CNTN5: variants seen among roughly 807,000 people sequenced by gnomAD.
CNTN5 encodes contactin 5.
CNTN5 carries 77 observed loss-of-function variants against 129.1 expected under a neutral mutation model. The ratio of observed to expected loss-of-function variants is 0.60; its 90% CI spans 0.50 to 0.72. The LOEUF is 0.72. CNTN5 is among the 30% of genes least tolerant of loss of function. CNTN5 has a pLI of 0.00. For synonymous variants in CNTN5, 509 were observed against 465.6 expected (o/e 1.09, Z -1.20); for missense variants, 1,478 against 1,328.8 (o/e 1.11, Z -1.75).
chr11:100,087,559 G>T (rs1427752596), intron 13 of CNTN5, among the ~76,000 whole-genome samples: 2 of 151,680 alleles, frequency 1.3e-5, no homozygotes, highest in East Asian at 1.9e-4. Context: ...AATGATAAAG[G>T]GTTCAATTCA....
intron 13 of CNTN5, among the ~76,000 whole-genome samples, chr11:100,108,317 G>A (rs1945526114): frequency 6.6e-6 from 1 of 152,036 alleles, no homozygotes; most frequent in Admixed American, 6.6e-5. Flanking sequence ...AAACATCATT[G>A]GACCAACATG....
chr11:99,313,092 C>G (rs927790876), intron 1 of CNTN5, among the ~76,000 whole-genome samples: 2 of 151,148 alleles, frequency 1.3e-5, no homozygotes, highest in African/African-American at 4.9e-5. Context: ...TGACATCTCA[C>G]GCAATCCAAG....
chr11:99,777,595 TA>T (rs755902250), intron 3 of CNTN5, among the ~76,000 whole-genome samples: 5 of 151,666 alleles, frequency 3.3e-5, no homozygotes, highest in Non-Finnish European at 4.4e-5. Context: ...ATTCTCAAGA[TA>T]AAAAAAATTG....
intron 7 of CNTN5, among the ~76,000 whole-genome samples, chr11:99,945,430 A>G (rs1950532268): frequency 1.3e-5 from 2 of 151,668 alleles, no homozygotes; most frequent in East Asian, 1.9e-4. Flanking sequence ...TTTTTTTAGA[A>G]TGACTGCTAG....
chr11:99,795,945 G>C (rs1260624635), intron 3 of CNTN5, among the ~76,000 whole-genome samples: 1 of 152,188 alleles, frequency 6.6e-6, no homozygotes, highest in Non-Finnish European at 1.5e-5. Flanking sequence ...AGTGGGATCT[G>C]TCCTCATTCC....
intron 20 of CNTN5, among the ~76,000 whole-genome samples, chr11:100,306,599 A>C (rs1275500018): frequency 6.6e-6 from 1 of 151,692 alleles, no homozygotes; most frequent in Non-Finnish European, 1.5e-5. Context: ...CTGTATCCTA[A>C]ATCCCAGAGA....
At chr11:100,154,687 G>C (rs1326679322) in intron 13 of CNTN5, among the ~76,000 whole-genome samples, 1 of 152,020 alleles carries the variant, frequency 6.6e-6, no homozygotes, top group African/African-American at 2.4e-5. Flanking sequence ...AGTATCTGTT[G>C]TTTCCTGACT....
intron 3 of CNTN5, among the ~76,000 whole-genome samples, chr11:99,740,936 A>G (rs564073579): frequency 2.0e-5 from 3 of 152,098 alleles, no homozygotes; most frequent in Non-Finnish European, 4.4e-5. Context: ...CTCAGCTTAA[A>G]TGCTCTTTAT....
chr11:99,332,236 A>G (rs552762391), intron 2 of CNTN5, among the ~76,000 whole-genome samples: 7 of 152,194 alleles, frequency 4.6e-5, no homozygotes, highest in African/African-American at 1.4e-4. Flanking sequence ...GGCATGCCCT[A>G]TGCTCCAAAT....
intron 3 of CNTN5, among the ~76,000 whole-genome samples, chr11:99,693,392 T>C (rs1407795971): frequency 6.6e-6 from 1 of 152,062 alleles, no homozygotes; most frequent in Non-Finnish European, 1.5e-5. Flanking sequence ...AAATGTGAAA[T>C]TATGATACAT....
intron 2 of CNTN5, among the ~76,000 whole-genome samples, chr11:99,470,426 G>A (rs1464346187): frequency 6.6e-6 from 1 of 151,954 alleles, no homozygotes; most frequent in African/African-American, 2.4e-5. Context: ...AATAATTCTA[G>A]TAATTCATCC....
At chr11:99,084,512 C>G (rs1865921378) in intron 1 of CNTN5, among the ~76,000 whole-genome samples, 1 of 152,182 alleles carries the variant, frequency 6.6e-6, no homozygotes, top group African/African-American at 2.4e-5. Flanking sequence ...GTCCAGTGTA[C>G]TGTTAAATAC....
intron 13 of CNTN5, among the ~76,000 whole-genome samples, chr11:100,189,974 G>GT (rs1948427952): frequency 6.6e-6 from 1 of 151,940 alleles, no homozygotes; most frequent in Admixed American, 6.6e-5. Context: ...TTCCTGGGCA[G>GT]TTTTTTTCAG....
intron 3 of CNTN5, among the ~76,000 whole-genome samples, chr11:99,619,562 A>C (rs188511360): frequency 2.6e-5 from 4 of 152,098 alleles, no homozygotes; most frequent in African/African-American, 9.7e-5. Flanking sequence ...GAGTAGAAAA[A>C]GTATTTTTAT....
chr11:99,562,817 G>T (rs770166924), intron 3 of CNTN5, among the ~76,000 whole-genome samples: 4 of 152,166 alleles, frequency 2.6e-5, no homozygotes, highest in Non-Finnish European at 5.9e-5. Context: ...GGGAAGTGCA[G>T]ATTTAAAGCT....
intron 1 of CNTN5, among the ~76,000 whole-genome samples, chr11:99,296,289 G>A (rs1012877929): frequency 4.6e-5 from 7 of 152,220 alleles, no homozygotes; most frequent in African/African-American, 1.7e-4. Flanking sequence ...TCAGCTGTGA[G>A]ATTATAAACC....
At chr11:100,039,167 G>A (rs966382920) in intron 9 of CNTN5, among the ~76,000 whole-genome samples, 1 of 152,184 alleles carries the variant, frequency 6.6e-6, no homozygotes, top group East Asian at 1.9e-4. Context: ...AGGCCTGGTA[G>A]TGACAAAATC....
At chr11:99,556,729 GA>G (rs1205859290) in intron 3 of CNTN5, among the ~76,000 whole-genome samples, 1 of 150,132 alleles carries the variant, frequency 6.7e-6, no homozygotes, top group Non-Finnish European at 1.5e-5. Context: ...ATATAAAACA[GA>G]ATCAGGTTAG....
chr11:100,288,979 A>T (rs1950877939), intron 18 of CNTN5, among the ~76,000 whole-genome samples: 1 of 152,178 alleles, frequency 6.6e-6, no homozygotes, highest in African/African-American at 2.4e-5. Context: ...TACTACAAAC[A>T]CCTCTACGCA....
Sources: allele counts gnomAD v4.1 joint callset (sites outside exome capture counted in the v4.1 genomes callset), GRCh38; gene constraint gnomAD v4.1.1; transcripts MANE v1.5; gene names NCBI Gene and HGNC (gene_info 2026-07-23, HGNC 2026-07-21).